Variants in ATP9B observed in about 807,000 individuals in gnomAD.
ATP9B encodes ATPase phospholipid transporting 9B, also known as probable phospholipid-transporting ATPase IIB.
In ATP9B, 110 loss-of-function variants were observed where a neutral mutation model predicts 146.1. The observed-to-expected ratio is 0.75, with a 90% CI of 0.65 to 0.88. The LOEUF (loss-of-function observed/expected upper bound fraction) is 0.88. ATP9B is among the 40% of genes least tolerant of loss of function. The pLI is 0.00. For synonymous variants in ATP9B, 604 were observed against 569.7 expected, an observed-to-expected ratio of 1.06 and a Z score of -0.86; for missense variants, 1,499 against 1,496.4, an observed-to-expected ratio of 1.00 and a Z score of -0.03.
At chr18:79,127,114 T>C (rs1483947269) in intron 5 of ATP9B, among the ~76,000 whole-genome samples, 1 of 152,210 alleles carries the variant, frequency 6.6e-6, no homozygotes, top group Non-Finnish European at 1.5e-5. Context: ...TGTATGTATA[T>C]AAGAGGACAT....
chr18:79,368,476 C>A (rs891830784), intron 26 of ATP9B, among the ~76,000 whole-genome samples: 1 of 152,192 alleles, frequency 6.6e-6, no homozygotes, highest in Admixed American at 6.5e-5. Flanking sequence ...TGCGCCTGGC[C>A]CTGGCCCAGT....
rs963431606 is a variant in ATP9B at position 79,377,566 on chromosome 18, G to A, written c.*183G>A. 2.4e-5 allele frequency: 19 copies of A among 777,174 alleles called. No homozygotes were observed. The highest frequency in any genetic ancestry group is 3.8e-4 in the Middle Eastern group (1 of 2,598). 48.1% of individuals were successfully genotyped at this position (777,174 alleles called of 1,614,324 possible). A position where few individuals can be genotyped will look rare whatever the true frequency, so the allele number is the denominator to read the frequency against. Reference sequence around the variant, plus strand: ...AGCCTCTCCTTCTCAGTGCAGGGACGTCACCCCTGCCAGGCAAGCCCAGGG... The same window carrying A: ...AGCCTCTCCTTCTCAGTGCAGGGACATCACCCCTGCCAGGCAAGCCCAGGG... On this transcript the variant is annotated 3_prime_UTR_variant, in exon 30 of 30. Transcript: ENST00000426216.
intron 9 of ATP9B, among the ~76,000 whole-genome samples, chr18:79,200,788 T>TGGGGACTGTC (rs370231088): frequency 1.2e-3 from 43 of 35,428 alleles, no homozygotes; most frequent in East Asian, 1.8e-3. Flanking sequence ...GAAGTAGTGG[T>TGGGGACTGTC]GGAATTGTTT....
At chr18:79,343,787 G>A in intron 20 of ATP9B, 1 of 201,696 alleles carries the variant, frequency 5.0e-6, no homozygotes, top group South Asian at 8.8e-5. Flanking sequence ...CTGCGAGTCA[G>A]TGACTCTCAG....
At chr18:79,180,135 A>G (rs767845753) in intron 8 of ATP9B, among the ~76,000 whole-genome samples, 5 of 152,042 alleles carry the variant, frequency 3.3e-5, no homozygotes, top group African/African-American at 7.2e-5. Flanking sequence ...TGTGTTTTAT[A>G]TATCTTTTTC....
At chr18:79,144,665 T>C (rs7226934) in intron 6 of ATP9B, 12,748 of 152,314 alleles carry the variant, frequency 0.084, 590 homozygotes, top group Admixed American at 0.12. Context: ...CATCTCTAGT[T>C]GATTTATAGT....
In ATP9B at chr18:79,330,087, G is replaced by T; in HGVS notation, c.2011G>T (p.Asp671Tyr). The T allele has an allele frequency of 6.2e-7, 1 of 1,614,086 alleles. No homozygotes were observed. Among genetic ancestry groups the T allele is most frequent in the South Asian group, 1.1e-5 (1 of 91,068 alleles). The change falls in exon 17 of 30, where the codon GAC becomes TAC. Residue 671 changes from aspartate to tyrosine, a missense_variant. Transcript: ENST00000426216. The part of the protein sequence containing the change: ...VAMSPIVQYN[D>Y]WLEEECGNMA... ...CATGTCTCCTATCGTGCAGTATAAT[G>T]ACTGGCTGGAAGAGGAGGTATGTGA...
At chr18:79,203,628 A>T (rs1240791410) in intron 9 of ATP9B, among the ~76,000 whole-genome samples, 2 of 152,058 alleles carry the variant, frequency 1.3e-5, no homozygotes, top group African/African-American at 4.8e-5. Flanking sequence ...GATTAGAAAC[A>T]TGTCAATTGC....
intron 25 of ATP9B, among the ~76,000 whole-genome samples, chr18:79,351,063 G>A (rs1362284762): frequency 3.3e-5 from 5 of 152,136 alleles, no homozygotes; most frequent in Non-Finnish European, 7.3e-5. Flanking sequence ...GAGCCCCTTC[G>A]TCCAGCCTAG....
chr18:79,200,727 G>GTCAGGGTCAGAGCAGAGGCGGAGGTGGGA, intron 9 of ATP9B, among the ~76,000 whole-genome samples: 112 of 45,306 alleles, frequency 2.5e-3, no homozygotes, highest in African/African-American at 5.8e-3. Context: ...TGGAGGTGGG[G>GTCAGGGTCAGAGCAGAGGCGGAGGTGGGA]ACTGTCGGGG....
intron 8 of ATP9B, among the ~76,000 whole-genome samples, chr18:79,190,511 T>C (rs201051460): frequency 2.4e-4 from 34 of 143,668 alleles, no homozygotes; most frequent in Admixed American, 5.6e-4. Flanking sequence ...TTTTTATTTA[T>C]ACACACACAC....
rs752686763 is a variant in ATP9B at position 79,154,569 on chromosome 18, TA to T, written c.778+21del. On this transcript the variant is annotated intron_variant, in intron 7 of 29. Coordinates refer to ENST00000426216, the MANE Select transcript of ATP9B (RefSeq NM_198531.5). ...CAGAAAAAGCAGGTATTTTTACATTTAAAAAAACTTACCTAACTGTATATTA... is the reference window on the plus strand; with the variant it reads ...CAGAAAAAGCAGGTATTTTTACATTTAAAAAACTTACCTAACTGTATATTA... The T allele has an allele frequency of 6.6e-7, 1 of 1,505,830 alleles. No homozygotes were observed. The highest frequency in any genetic ancestry group is 1.4e-5 in the South Asian group (1 of 72,910). 93.3% of individuals were successfully genotyped at this position (1,505,830 alleles called of 1,614,324 possible).
intron 11 of ATP9B, among the ~76,000 whole-genome samples, chr18:79,240,622 G>A (rs973950497): frequency 6.6e-6 from 1 of 152,186 alleles, no homozygotes; most frequent in Admixed American, 6.5e-5. Flanking sequence ...GTGCATGCCT[G>A]TAATCCCAGC....
intron 1 of ATP9B, among the ~76,000 whole-genome samples, chr18:79,084,648 A>C (rs2073629564): frequency 6.6e-6 from 1 of 152,234 alleles, no homozygotes; most frequent in Admixed American, 6.5e-5. Context: ...TTATTAGAAA[A>C]ACAGCTTTCA....
chr18:79,310,465 A>AC (rs895104279), intron 15 of ATP9B, among the ~76,000 whole-genome samples: 17 of 152,360 alleles, frequency 1.1e-4, no homozygotes, highest in African/African-American at 3.8e-4. Context: ...TGCAGAGCTG[A>AC]CCAAGGGTGG....
At chr18:79,088,124 C>G (rs1041810905) in intron 1 of ATP9B, among the ~76,000 whole-genome samples, 2 of 152,140 alleles carry the variant, frequency 1.3e-5, no homozygotes, top group African/African-American at 4.8e-5. Context: ...AATTGCTTGC[C>G]AGTTCAAAGG....
At chr18:79,191,752 G>C (rs2095368874) in intron 8 of ATP9B, among the ~76,000 whole-genome samples, 1 of 152,156 alleles carries the variant, frequency 6.6e-6, no homozygotes, top group South Asian at 2.1e-4. Flanking sequence ...AAGCTGCTTT[G>C]AAATTCTCAT....
chr18:79,331,259 G>T (rs753955130), intron 17 of ATP9B, among the ~76,000 whole-genome samples: 7 of 152,178 alleles, frequency 4.6e-5, no homozygotes, highest in Non-Finnish European at 1.0e-4. Flanking sequence ...AACGGTAGTG[G>T]CAATATGAAT....
intron 8 of ATP9B, among the ~76,000 whole-genome samples, chr18:79,192,046 C>T (rs1365902552): frequency 6.6e-6 from 1 of 151,984 alleles, no homozygotes; most frequent in African/African-American, 2.4e-5. Context: ...GTGGTGTTCT[C>T]GGTTCCATTC....
Sources: gnomAD v4.1 joint callset for allele counts (sites outside exome capture counted in the v4.1 genomes callset) on GRCh38, gnomAD v4.1.1 for gene constraint, MANE v1.5 for transcripts, NCBI Gene and HGNC (gene_info 2026-07-23, HGNC 2026-07-21) for gene names.